Variants in NECAB1 observed in about 807,000 individuals in gnomAD.
NECAB1 encodes N-terminal EF-hand calcium-binding protein 1.
In NECAB1, 29 loss-of-function variants were observed where a neutral mutation model predicts 57.5. The ratio of observed to expected loss-of-function variants is 0.50; its 90% CI spans 0.38 to 0.69. The LOEUF is 0.69. Among genes scored for constraint, NECAB1 ranks in the 30% least tolerant of loss-of-function variants. NECAB1 has a pLI of 0.00. For synonymous variants in NECAB1, 142 were observed against 147.7 expected (o/e 0.96, Z 0.28); for missense variants, 372 against 413.8 (o/e 0.90, Z 0.88).
At chr8:90,794,389 T>G (rs1811626344) in intron 1 of NECAB1, among the ~76,000 whole-genome samples, 1 of 152,220 alleles carries the variant, frequency 6.6e-6, no homozygotes, top group Non-Finnish European at 1.5e-5. Flanking sequence ...ACATAGGTGA[T>G]AGATATTACC....
chr8:90,863,755 A>G (rs1482436693), intron 3 of NECAB1, among the ~76,000 whole-genome samples: 1 of 152,026 alleles, frequency 6.6e-6, no homozygotes. Context: ...GCTAAATTGG[A>G]TTTTCTAAAT....
chr8:90,866,006 T>G (rs1224186083), intron 3 of NECAB1, among the ~76,000 whole-genome samples: 1 of 152,220 alleles, frequency 6.6e-6, no homozygotes, highest in Non-Finnish European at 1.5e-5. Flanking sequence ...GATTTTTATA[T>G]GACCAATTAC....
chr8:90,845,319 C>T (rs944393731), intron 3 of NECAB1, among the ~76,000 whole-genome samples: 4 of 152,168 alleles, frequency 2.6e-5, no homozygotes, highest in African/African-American at 7.2e-5. Flanking sequence ...TCTAAGATAA[C>T]AGCAGCCTAC....
intron 6 of NECAB1, among the ~76,000 whole-genome samples, chr8:90,918,734 C>T (rs1810036237): frequency 1.3e-5 from 2 of 152,094 alleles, no homozygotes; most frequent in Admixed American, 6.6e-5. Flanking sequence ...CTGTTACCCA[C>T]CTCTCATGTG....
intron 3 of NECAB1, among the ~76,000 whole-genome samples, chr8:90,848,967 T>C (rs915841845): frequency 2.0e-5 from 3 of 151,948 alleles, no homozygotes; most frequent in African/African-American, 7.3e-5. Context: ...ATCAATAAGA[T>C]CATCAGATCT....
intron 10 of NECAB1, among the ~76,000 whole-genome samples, chr8:90,941,776 TTCTTCCTC>T (rs1344152050): frequency 6.6e-6 from 1 of 152,222 alleles, no homozygotes; most frequent in Non-Finnish European, 1.5e-5. Flanking sequence ...GACCTGGCTA[TTCTTCCTC>T]TCAGAAATGT....
Position 90,881,044 on chromosome 8 carries a change from C to T in NECAB1, c.271C>T (p.Gln91Ter), listed in dbSNP as rs761421331. 1.3e-6 allele frequency: 2 copies of T among 1,595,358 alleles called. No individual in the cohort carries two copies. Among genetic ancestry groups the T allele is most frequent in the Non-Finnish European group, 8.5e-7 (1 of 1,171,140 alleles). Reference sequence around the variant, plus strand: ...TTTTCATTTTTCAGAATATTTTTCTCAGCACTTGGGCGAGTATGAGAATGT... The same window carrying T: ...TTTTCATTTTTCAGAATATTTTTCTTAGCACTTGGGCGAGTATGAGAATGT... ...DTEELCEYFS[Q>*]HLGEYENVLA... is the part of the protein sequence containing the mutation. Residue 91 changes from glutamine (Q) to a stop codon, truncating the protein, a stop_gained, in exon 5 of 13, where the codon CAG becomes TAG. Transcript: ENST00000417640. LOFTEE classifies it high-confidence loss of function.
At chr8:90,931,549 C>A (rs1040595773) in intron 8 of NECAB1, among the ~76,000 whole-genome samples, 1 of 152,186 alleles carries the variant, frequency 6.6e-6, no homozygotes, top group African/African-American at 2.4e-5. Context: ...TTTCAGCCTC[C>A]ATGAGAATTT....
intron 5 of NECAB1, among the ~76,000 whole-genome samples, chr8:90,893,727 A>G (rs1809248600): frequency 6.6e-6 from 1 of 152,152 alleles, no homozygotes; most frequent in Admixed American, 6.5e-5. Context: ...GCAGGAGGCA[A>G]TCAGGGCCCC....
intron 2 of NECAB1, among the ~76,000 whole-genome samples, chr8:90,814,596 A>G (rs748144972): frequency 6.6e-6 from 1 of 152,214 alleles, no homozygotes; most frequent in Non-Finnish European, 1.5e-5. Flanking sequence ...ACTTTGGATT[A>G]TAATCCAATA....
At chr8:90,798,376 G>T (rs370101348) in intron 1 of NECAB1, among the ~76,000 whole-genome samples, 12 of 152,210 alleles carry the variant, frequency 7.9e-5, no homozygotes, top group African/African-American at 2.9e-4. Context: ...CGAGATTTGG[G>T]GTACAAATGA....
intron 10 of NECAB1, among the ~76,000 whole-genome samples, chr8:90,946,083 C>T (rs867376765): frequency 1.3e-5 from 2 of 152,212 alleles, no homozygotes; most frequent in African/African-American, 4.8e-5. Flanking sequence ...TTCTTGCTGT[C>T]TCAGTGTGAT....
chr8:90,867,753 A>G (rs1808546869), intron 3 of NECAB1, among the ~76,000 whole-genome samples: 1 of 152,270 alleles, frequency 6.6e-6, no homozygotes, highest in Non-Finnish European at 1.5e-5. Context: ...AAATACAAAT[A>G]GAAGTTCAAA....
At chr8:90,819,412 A>G (rs1437965459) in intron 2 of NECAB1, among the ~76,000 whole-genome samples, 1 of 151,980 alleles carries the variant, frequency 6.6e-6, no homozygotes, top group Non-Finnish European at 1.5e-5. Context: ...ATGGGAACTG[A>G]GATAAATAGG....
At chr8:90,795,706 T>TCACACACACACA (rs1385184275) in intron 1 of NECAB1, among the ~76,000 whole-genome samples, 2 of 136,322 alleles carry the variant, frequency 1.5e-5, no homozygotes, top group African/African-American at 6.6e-5. Flanking sequence ...ACCTCATCTC[T>TCACACACACACA]CTCACACACA....
intron 10 of NECAB1, among the ~76,000 whole-genome samples, chr8:90,944,316 A>G (rs1026076027): frequency 2.6e-5 from 4 of 152,202 alleles, no homozygotes; most frequent in Admixed American, 6.5e-5. Flanking sequence ...GTTTTGCCCT[A>G]TAAGTTTTTG....
At chr8:90,948,599 C>T (rs576876882) in intron 10 of NECAB1, among the ~76,000 whole-genome samples, 6 of 152,142 alleles carry the variant, frequency 3.9e-5, no homozygotes, top group Non-Finnish European at 8.8e-5. Context: ...TCTAACCCCT[C>T]GTTTTGCTTT....
chr8:90,928,226 T>G lies in NECAB1; in HGVS notation c.620T>G (p.Leu207Ter). ...TCATGATTCCCCCTGGCCCCAGGCT[T>G]ATTAGAAGAAGACAACCAGTGGATG... Reference protein sequence around the residue: ...SPQFNVSGPGLLEEDNQWMTQ... With the variant: ...SPQFNVSGPG Residue 207 changes from leucine (L) to a stop codon, truncating the protein, a stop_gained, in exon 8 of 13, where the codon TTA becomes TGA. Transcript: ENST00000417640. LOFTEE classifies it high-confidence loss of function. The G allele has an allele frequency of 6.2e-7, 1 of 1,607,094 alleles. No individual in the cohort carries two copies. The highest frequency in any genetic ancestry group is 8.5e-7 in the Non-Finnish European group (1 of 1,176,194).
chr8:90,908,654 A>T (rs1809753721), intron 5 of NECAB1, among the ~76,000 whole-genome samples: 1 of 151,158 alleles, frequency 6.6e-6, no homozygotes, highest in African/African-American at 2.5e-5. Flanking sequence ...AAACAAAACA[A>T]AAAGGAAAGC....
Sources: gnomAD v4.1 joint callset for allele counts (sites outside exome capture counted in the v4.1 genomes callset) on GRCh38, gnomAD v4.1.1 for gene constraint, MANE v1.5 for transcripts, NCBI Gene and HGNC (gene_info 2026-07-23, HGNC 2026-07-21) for gene names.